MYRIP: variants seen among roughly 807,000 people sequenced by gnomAD.
MYRIP encodes the protein rab effector MyRIP.
Under a neutral mutation model 98.0 loss-of-function variants are expected in MYRIP, and 49 were observed. The observed-to-expected ratio is 0.50, with a 90% CI of 0.40 to 0.63. The LOEUF is 0.63. MYRIP is among the 30% of genes least tolerant of loss of function. The pLI is 0.00. For missense variants in MYRIP, 1,004 were observed against 1,058.2 expected (o/e 0.95, Z 0.71); for synonymous variants, 404 against 409.5 (o/e 0.99, Z 0.16).
intron 2 of MYRIP, among the ~76,000 whole-genome samples, chr3:40,023,124 T>A (rs955636167): frequency 2.0e-5 from 3 of 152,014 alleles, no homozygotes; most frequent in Non-Finnish European, 4.4e-5. Context: ...GAATGAAACA[T>A]GAATTAATCT....
chr3:40,155,236 G>A (rs1950203839), intron 4 of MYRIP, among the ~76,000 whole-genome samples: 1 of 149,492 alleles, frequency 6.7e-6, no homozygotes, highest in Admixed American at 6.8e-5. Flanking sequence ...GTGAGAATAT[G>A]TGGTGTTTGG....
chr3:40,233,642 C>A (rs777537078), intron 11 of MYRIP, among the ~76,000 whole-genome samples: 1 of 152,184 alleles, frequency 6.6e-6, no homozygotes, highest in Non-Finnish European at 1.5e-5. Context: ...GAAATAATTA[C>A]AAGTCACGGA....
At chr3:40,117,798 T>A (rs552043193) in intron 3 of MYRIP, among the ~76,000 whole-genome samples, 17 of 152,278 alleles carry the variant, frequency 1.1e-4, no homozygotes, top group Admixed American at 7.9e-4. Flanking sequence ...TAATTTACTT[T>A]AGAGCAAAGA....
At chr3:39,811,588 AC>A (rs1940693587) in intron 1 of MYRIP, among the ~76,000 whole-genome samples, 1 of 150,446 alleles carries the variant, frequency 6.6e-6, no homozygotes, top group African/African-American at 2.4e-5. Flanking sequence ...CTAATTACCC[AC>A]CACTACCTCC....
At chr3:39,905,858 ATTGTTTTTATTTCT>A (rs1943867105) in intron 2 of MYRIP, among the ~76,000 whole-genome samples, 1 of 151,996 alleles carries the variant, frequency 6.6e-6, no homozygotes, top group Non-Finnish European at 1.5e-5. Context: ...TTATGAATTA[ATTGTTTTTATTTCT>A]TTGCTATTAT....
rs577611428 is a variant in MYRIP, at chr3:39,851,211, T to G, written c.-31+41295T>G. 4.0e-4 allele frequency among the ~76,000 whole-genome samples: 60 copies of G among 150,750 alleles called. No homozygotes were observed. In the South Asian group the frequency reaches 0.01, roughly 26 times the overall value. ...AGTTGCCAATAATCTATGATGGATG[T>G]ATGTATGTATGTGTGTGATTTCAGA... On this transcript the variant is annotated intron_variant, in intron 1 of 16. Transcript: ENST00000302541.
At chr3:40,196,087 T>C (rs2125638870) in intron 10 of MYRIP, among the ~76,000 whole-genome samples, 1 of 152,150 alleles carries the variant, frequency 6.6e-6, no homozygotes, top group East Asian at 1.9e-4. Flanking sequence ...GTTTATAGAT[T>C]TTTTTTCTCT....
intron 2 of MYRIP, among the ~76,000 whole-genome samples, chr3:39,958,695 A>G (rs1049912192): frequency 2.0e-5 from 3 of 152,190 alleles, no homozygotes; most frequent in Non-Finnish European, 4.4e-5. Flanking sequence ...TAATTAAACT[A>G]AAGAGCTTCT....
chr3:40,039,212 G>C (rs1947455958), intron 2 of MYRIP, among the ~76,000 whole-genome samples: 1 of 152,114 alleles, frequency 6.6e-6, no homozygotes, highest in Admixed American at 6.6e-5. Flanking sequence ...GAGGAAAGTT[G>C]GGGTGGAGAA....
At chr3:39,889,249 A>T (rs1010633454) in intron 1 of MYRIP, among the ~76,000 whole-genome samples, 2 of 152,242 alleles carry the variant, frequency 1.3e-5, no homozygotes, top group African/African-American at 4.8e-5. Flanking sequence ...TTGTGGCATT[A>T]TTCACAATAG....
chr3:40,153,835 G>A (rs1011327273), intron 4 of MYRIP, among the ~76,000 whole-genome samples: 2 of 152,118 alleles, frequency 1.3e-5, no homozygotes, highest in African/African-American at 4.8e-5. Flanking sequence ...GATCACTGTA[G>A]TTTGCCATAA....
chr3:39,830,845 T>G (rs948935944), intron 1 of MYRIP, among the ~76,000 whole-genome samples: 1 of 152,152 alleles, frequency 6.6e-6, no homozygotes, highest in Non-Finnish European at 1.5e-5. Flanking sequence ...AAAAAACTGC[T>G]AAAAAAGAGT....
intron 2 of MYRIP, among the ~76,000 whole-genome samples, chr3:39,955,854 CAAAA>C (rs199590074): frequency 6.6e-6 from 1 of 150,954 alleles, no homozygotes; most frequent in Non-Finnish European, 1.5e-5. Flanking sequence ...AAATGGAAAA[CAAAA>C]AAAAGCAGGG....
At chr3:40,225,102 T>G (rs1362939825) in intron 11 of MYRIP, among the ~76,000 whole-genome samples, 5 of 152,258 alleles carry the variant, frequency 3.3e-5, no homozygotes, top group Non-Finnish European at 2.9e-5. Context: ...CAAACTTTCT[T>G]GCTTGCTCTG....
chr3:39,890,231 CTA>C (rs1943449217), intron 1 of MYRIP, among the ~76,000 whole-genome samples: 1 of 151,958 alleles, frequency 6.6e-6, no homozygotes, highest in Non-Finnish European at 1.5e-5. Flanking sequence ...GCTGTTGCCA[CTA>C]TGTTTCTTAC....
At chr3:40,062,919 C>A (rs1315460037) in intron 3 of MYRIP, among the ~76,000 whole-genome samples, 1 of 152,022 alleles carries the variant, frequency 6.6e-6, no homozygotes, top group Admixed American at 6.6e-5. Flanking sequence ...TTACTGTGTG[C>A]CTGAAAAATC....
chr3:40,043,199 C>T (rs1213706189), intron 2 of MYRIP, among the ~76,000 whole-genome samples: 2 of 151,860 alleles, frequency 1.3e-5, no homozygotes, highest in Non-Finnish European at 2.9e-5. Context: ...TAATATAGTA[C>T]TAAAATAGTA....
intron 1 of MYRIP, among the ~76,000 whole-genome samples, chr3:39,897,926 C>T (rs1301956740): frequency 1.3e-5 from 2 of 150,846 alleles, no homozygotes; most frequent in Non-Finnish European, 2.9e-5. Flanking sequence ...TCTCAGAAAC[C>T]AAAAGCCAGT....
At chr3:39,981,741 T>C (rs2125759572) in intron 2 of MYRIP, among the ~76,000 whole-genome samples, 1 of 152,306 alleles carries the variant, frequency 6.6e-6, no homozygotes, top group South Asian at 2.1e-4. Flanking sequence ...TTTCTTCCAA[T>C]TGCAGGAACA....
Sources: allele counts gnomAD v4.1 joint callset (sites outside exome capture counted in the v4.1 genomes callset), GRCh38; gene constraint gnomAD v4.1.1; transcripts MANE v1.5; gene names NCBI Gene and HGNC (gene_info 2026-07-23, HGNC 2026-07-21).